NAALADL2: variants seen among roughly 807,000 people sequenced by gnomAD.
NAALADL2 encodes the protein inactive N-acetylated-alpha-linked acidic dipeptidase-like protein 2.
Under a neutral mutation model 87.2 loss-of-function variants are expected in NAALADL2, and 76 were observed. That is an observed-to-expected ratio of 0.87 (90% CI 0.72 to 1.05). The LOEUF is 1.05. NAALADL2 is among the 50% of genes least tolerant of loss of function. The pLI is 0.00. For missense variants in NAALADL2, 1,089 were observed against 945.8 expected (o/e 1.15, Z -1.99); for synonymous variants, 354 against 331.0 (o/e 1.07, Z -0.75).
At position 174,521,480 on chromosome 3, in the gene NAALADL2, C is replaced by T. The variant is rs189905388; in HGVS notation, c.-183-29089C>T. On this transcript the variant is annotated intron_variant, in intron 1 of 3. Transcript: ENST00000434257. The stretch of plus-strand genomic sequence containing the variant: ...ACTCAGAAGGGTGAGGCACAAGAAT[C>T]GCTTGGGCTTGAGCCTGGGAGACCG... 6.5e-4 allele frequency among the ~76,000 whole-genome samples: 93 copies of T among 143,894 alleles called. 1 individual carries two copies. In the East Asian group the frequency reaches 0.011, roughly 17 times the overall value. The allele number at this position is 143,894 out of a possible 152,430, so 94.4% of individuals were successfully genotyped here.
rs555794428 is a variant in NAALADL2, at chr3:174,951,277, T to A, written c.43+91827T>A. ...TGTTAAGTTGAGACGTGAATGTAAT[T>A]CTCAGGAGGCAAGAATAAATCGTTA... On this transcript the variant is annotated intron_variant, in intron 1 of 13. Coordinates refer to ENST00000454872, the MANE Select transcript of NAALADL2 (RefSeq NM_207015.3). Among the ~76,000 whole-genome samples the A allele has an allele frequency of 2.2e-4, 33 of 151,618 alleles. No individual in the cohort carries two copies. The South Asian group carries it at 6.2e-3, about 29-fold the overall frequency.
At chr3:175,717,620 G>A (rs75481957) in intron 11 of NAALADL2, among the ~76,000 whole-genome samples, 2,594 of 151,354 alleles carry the variant, frequency 0.017, 94 homozygotes, top group African/African-American at 0.06. Context: ...GAGCCCAGGA[G>A]GTAGAGGCCA....
intron 1 of NAALADL2, among the ~76,000 whole-genome samples, chr3:175,030,800 A>G (rs1447688274): frequency 1.3e-5 from 2 of 152,076 alleles, no homozygotes; most frequent in African/African-American, 2.4e-5. Context: ...TATTTGTTCA[A>G]TGTATTTAGT....
chr3:175,574,131 T>A (rs1403594382), intron 9 of NAALADL2, among the ~76,000 whole-genome samples: 1 of 152,202 alleles, frequency 6.6e-6, no homozygotes, highest in Non-Finnish European at 1.5e-5. Context: ...AAAGTTGGAA[T>A]AACTTATTTT....
Position 175,195,411 on chromosome 3 carries a change from G to A in NAALADL2, c.546-38520G>A, listed in dbSNP as rs549218336. On this transcript the variant is annotated intron_variant, in intron 2 of 13. Transcript: ENST00000454872. ...TAAGTTATGGAAAAACAGCCATCCT[G>A]AGATGGATCAGGTGGTGAGGAGGGG... 1.8e-4 allele frequency among the ~76,000 whole-genome samples: 27 copies of A among 151,950 alleles called. No individual in the cohort carries two copies. In the East Asian group the frequency reaches 5.2e-3, roughly 29 times the overall value.
rs1370549259 is a variant in NAALADL2, at chr3:175,650,501, C to T, written c.1896+23115C>T. Among the ~76,000 whole-genome samples, 5 of 152,000 alleles carry T rather than the reference C, an allele frequency of 3.3e-5. No homozygotes were observed. In the East Asian group the frequency reaches 7.7e-4, roughly 23 times the overall value. ...ATGAATTTTGTGGTGTATAACTATA[C>T]CTCAATAAAGCTTTAAAAATACTAA... On this transcript the variant is annotated intron_variant, in intron 11 of 13. Coordinates refer to ENST00000454872, the MANE Select transcript of NAALADL2 (RefSeq NM_207015.3).
intron 1 of NAALADL2, among the ~76,000 whole-genome samples, chr3:174,481,323 G>T (rs944034315): frequency 1.3e-5 from 2 of 152,030 alleles, no homozygotes; most frequent in South Asian, 4.1e-4. Context: ...AGTAACATGA[G>T]GGGCATTCAT....
At chr3:174,508,334 C>T (rs542602435) in intron 1 of NAALADL2, among the ~76,000 whole-genome samples, 3 of 151,930 alleles carry the variant, frequency 2.0e-5, no homozygotes, top group Non-Finnish European at 4.4e-5. Context: ...AGGATGGTCT[C>T]GATCTCCTGA....
At chr3:174,649,854 T>A (rs1436419579) in intron 2 of NAALADL2, among the ~76,000 whole-genome samples, 1 of 152,152 alleles carries the variant, frequency 6.6e-6, no homozygotes, top group Non-Finnish European at 1.5e-5. Context: ...TAGTACATTG[T>A]TTTAGGCTGA....
At chr3:175,183,109 G>C (rs767973228) in intron 2 of NAALADL2, among the ~76,000 whole-genome samples, 3 of 151,766 alleles carry the variant, frequency 2.0e-5, no homozygotes, top group African/African-American at 7.3e-5. Flanking sequence ...AGATTGTATT[G>C]AATCTGTGGA....
intron 1 of NAALADL2, among the ~76,000 whole-genome samples, chr3:175,080,445 T>C (rs1027829560): frequency 6.6e-6 from 1 of 152,214 alleles, no homozygotes. Flanking sequence ...GGTGAGAGTC[T>C]ACTGTATCAA....
At chr3:175,023,677 A>G (rs114769210) in intron 1 of NAALADL2, among the ~76,000 whole-genome samples, 373 of 152,214 alleles carry the variant, frequency 2.5e-3, no homozygotes, top group African/African-American at 8.3e-3. Context: ...ATATTTCTTG[A>G]CATCACTAAT....
chr3:175,430,424 G>T (rs897182722), intron 5 of NAALADL2, among the ~76,000 whole-genome samples: 1 of 151,988 alleles, frequency 6.6e-6, no homozygotes, highest in East Asian at 1.9e-4. Context: ...CTAATTGTAA[G>T]TATTCAGTAC....
At chr3:174,660,196 GAAGA>G (rs1298111728) in intron 2 of NAALADL2, among the ~76,000 whole-genome samples, 2 of 152,170 alleles carry the variant, frequency 1.3e-5, no homozygotes, top group Non-Finnish European at 2.9e-5. Context: ...AATATTAATA[GAAGA>G]AAGATTTATT....
At chr3:174,870,531 C>T (rs942451946) in intron 1 of NAALADL2, among the ~76,000 whole-genome samples, 2 of 151,370 alleles carry the variant, frequency 1.3e-5, no homozygotes, top group East Asian at 1.9e-4. Context: ...TTGGATAATC[C>T]GTGATTGACA....
chr3:174,656,740 C>T (rs563069579), intron 2 of NAALADL2, among the ~76,000 whole-genome samples: 5 of 152,014 alleles, frequency 3.3e-5, no homozygotes, highest in Non-Finnish European at 7.4e-5. Context: ...TCCTCTGACC[C>T]CTCCTTTAGA....
At chr3:175,608,699 C>T (rs1323063015) in intron 10 of NAALADL2, among the ~76,000 whole-genome samples, 1 of 152,076 alleles carries the variant, frequency 6.6e-6, no homozygotes, top group Non-Finnish European at 1.5e-5. Flanking sequence ...ATAGTATTCT[C>T]AGTTGTATAA....
At chr3:175,047,012 C>T (rs1754765565) in intron 1 of NAALADL2, among the ~76,000 whole-genome samples, 4 of 152,112 alleles carry the variant, frequency 2.6e-5, no homozygotes, top group African/African-American at 9.7e-5. Flanking sequence ...TCATAGATGG[C>T]CATCTTCTTA....
chr3:175,380,303 G>A (rs542287005), intron 5 of NAALADL2, among the ~76,000 whole-genome samples: 1 of 152,128 alleles, frequency 6.6e-6, no homozygotes, highest in South Asian at 2.1e-4. Flanking sequence ...GGTTGCCCTA[G>A]AATGTGCATT....
Sources: allele counts gnomAD v4.1 joint callset (sites outside exome capture counted in the v4.1 genomes callset), GRCh38; gene constraint gnomAD v4.1.1; transcripts MANE v1.5; gene names NCBI Gene and HGNC (gene_info 2026-07-23, HGNC 2026-07-21).